NETO2: variants seen among roughly 807,000 people sequenced by gnomAD.
NETO2 encodes neuropilin and tolloid like 2.
A neutral mutation model predicts 62.5 loss-of-function variants in NETO2; 28 were observed. That is an observed-to-expected ratio of 0.45 (90% CI 0.33 to 0.61). The LOEUF (loss-of-function observed/expected upper bound fraction) is 0.61, where lower values mean the gene tolerates loss of function less well. Among genes scored for constraint, NETO2 ranks in the 20% least tolerant of loss-of-function variants. NETO2 has a pLI of 0.02. For missense variants in NETO2, 548 were observed against 643.2 expected (o/e 0.85, Z 1.60); for synonymous variants, 214 against 219.1 (o/e 0.98, Z 0.21).
chr16:47,138,959 T>A (rs961923598), intron 1 of NETO2, among the ~76,000 whole-genome samples: 5 of 152,252 alleles, frequency 3.3e-5, no homozygotes, highest in Non-Finnish European at 5.9e-5. Flanking sequence ...TTTGGCTGAT[T>A]CCTTCCTGTT....
intron 7 of NETO2, among the ~76,000 whole-genome samples, chr16:47,090,418 G>A (rs896858018): frequency 5.3e-5 from 8 of 152,096 alleles, no homozygotes; most frequent in Non-Finnish European, 1.0e-4. Flanking sequence ...GATTTTAATG[G>A]TATGCTTCAA....
At chr16:47,134,988 C>A (rs899257788) in intron 1 of NETO2, among the ~76,000 whole-genome samples, 3 of 152,092 alleles carry the variant, frequency 2.0e-5, no homozygotes, top group Admixed American at 6.5e-5. Context: ...ACAACTCAAT[C>A]GACCAAATGA....
chr16:47,133,604 CATAAAATAAAATAAA>C (rs138640228), intron 1 of NETO2, among the ~76,000 whole-genome samples: 12,464 of 135,784 alleles, frequency 0.092, 744 homozygotes, highest in Non-Finnish European at 0.13. Flanking sequence ...AATGACATAA[CATAAAATAAAATAAA>C]ATAAAATAAA....
At chr16:47,099,550 T>C (rs1963499099) in intron 7 of NETO2, among the ~76,000 whole-genome samples, 1 of 152,154 alleles carries the variant, frequency 6.6e-6, no homozygotes, top group South Asian at 2.1e-4. Flanking sequence ...ATCAGTGTGC[T>C]GTATTTAGGA....
At chr16:47,098,119 C>T (rs1963465722) in intron 7 of NETO2, among the ~76,000 whole-genome samples, 1 of 152,178 alleles carries the variant, frequency 6.6e-6, no homozygotes, top group Admixed American at 6.5e-5. Context: ...CTCCTCTTCT[C>T]CTCCAAAGGA....
chr16:47,138,262 T>C (rs1005531177), intron 1 of NETO2, among the ~76,000 whole-genome samples: 4 of 152,136 alleles, frequency 2.6e-5, no homozygotes, highest in African/African-American at 7.2e-5. Context: ...TAGCCGGGCA[T>C]GGTGGCACAC....
intron 7 of NETO2, among the ~76,000 whole-genome samples, chr16:47,089,114 G>A (rs1364774352): frequency 6.6e-6 from 1 of 152,178 alleles, no homozygotes; most frequent in African/African-American, 2.4e-5. Context: ...CTGCAGTTGA[G>A]TTTAGACTTC....
chr16:47,115,033 T>C (rs1963881511), intron 6 of NETO2, among the ~76,000 whole-genome samples: 1 of 152,088 alleles, frequency 6.6e-6, no homozygotes, highest in African/African-American at 2.4e-5. Context: ...CCTTTGAATG[T>C]CAAAAAAATT....
intron 6 of NETO2, among the ~76,000 whole-genome samples, chr16:47,115,641 C>T (rs1567391452): frequency 6.7e-6 from 1 of 148,526 alleles, no homozygotes; most frequent in Non-Finnish European, 1.5e-5. Context: ...GATCCTCCTG[C>T]CTCAGCCTCC....
chr16:47,129,023 T>C (rs1458025327), intron 3 of NETO2, among the ~76,000 whole-genome samples: 10 of 152,246 alleles, frequency 6.6e-5, no homozygotes. Context: ...AATTATACTT[T>C]GGGAGATTCA....
At chr16:47,114,435 A>AT (rs1244612138) in intron 6 of NETO2, among the ~76,000 whole-genome samples, 118 of 86,060 alleles carry the variant, frequency 1.4e-3, no homozygotes, top group Non-Finnish European at 2.0e-3. Context: ...CAATTTATAA[A>AT]TTTCTTTTTT....
Position 47,080,794 on chromosome 16 carries a change from C to T in NETO2, c.*2427G>A, listed in dbSNP as rs1393017791. 6.6e-6 allele frequency: 1 copy of T among 152,124 alleles called. No homozygotes were observed. The allele number at this position is 152,124 out of a possible 1,614,324, so 9.4% of individuals were successfully genotyped here. A position where few individuals can be genotyped will look rare whatever the true frequency, so the allele number is the denominator to read the frequency against. On this transcript the variant is annotated 3_prime_UTR_variant, in exon 9 of 9. Transcript: ENST00000562435. ...CTGGGTTAAGAAGCACCATTATAAC[C>T]TCTGTCTCCATTTTGCATCTTTTTT...
intron 7 of NETO2, among the ~76,000 whole-genome samples, chr16:47,091,948 T>A (rs1006797653): frequency 6.6e-6 from 1 of 151,696 alleles, no homozygotes; most frequent in African/African-American, 2.4e-5. Flanking sequence ...GCTCAAGTGA[T>A]CCTCCTGTCT....
chr16:47,120,696 TA>T (rs1432821608), intron 6 of NETO2, among the ~76,000 whole-genome samples: 1 of 152,224 alleles, frequency 6.6e-6, no homozygotes, highest in African/African-American at 2.4e-5. Flanking sequence ...ATGAAGACAT[TA>T]TTCTATTGTC....
intron 2 of NETO2, among the ~76,000 whole-genome samples, chr16:47,131,054 G>A (rs1321997902): frequency 4.9e-5 from 7 of 143,752 alleles, no homozygotes; most frequent in Non-Finnish European, 9.1e-5. Flanking sequence ...GGAGGAAAGG[G>A]AATTTTAAAA....
At chr16:47,119,430 C>T (rs1020483104) in intron 6 of NETO2, among the ~76,000 whole-genome samples, 3 of 152,144 alleles carry the variant, frequency 2.0e-5, no homozygotes, top group South Asian at 2.1e-4. Context: ...GGATTACAGG[C>T]GTGAACCACT....
intron 7 of NETO2, among the ~76,000 whole-genome samples, chr16:47,094,731 T>C (rs1963393701): frequency 6.6e-6 from 1 of 151,000 alleles, no homozygotes; most frequent in East Asian, 1.9e-4. Flanking sequence ...TGGCCATTTA[T>C]TTTTTGAGAC....
chr16:47,140,818 C>T (rs1964447354), intron 1 of NETO2, among the ~76,000 whole-genome samples: 1 of 152,182 alleles, frequency 6.6e-6, no homozygotes, highest in Admixed American at 6.5e-5. Context: ...TTTTTAAATA[C>T]AGTGCCAAGG....
chr16:47,142,937 G>A (rs920013851), intron 1 of NETO2, among the ~76,000 whole-genome samples: 4 of 151,980 alleles, frequency 2.6e-5, no homozygotes, highest in Admixed American at 6.5e-5. Flanking sequence ...GCCGCGTCCC[G>A]GGAAGCACCC....
Sources: gnomAD v4.1 joint callset for allele counts (sites outside exome capture counted in the v4.1 genomes callset) on GRCh38, gnomAD v4.1.1 for gene constraint, MANE v1.5 for transcripts, NCBI Gene and HGNC (gene_info 2026-07-23, HGNC 2026-07-21) for gene names.